BCL6B: variants seen among roughly 807,000 people sequenced by gnomAD.
BCL6B encodes BCL6B transcription repressor, also known as B-cell CLL/lymphoma 6 member B protein.
A neutral mutation model predicts 44.6 loss-of-function variants in BCL6B; 28 were observed. That is an observed-to-expected ratio of 0.63 (90% CI 0.47 to 0.86). The LOEUF is 0.86. Among genes scored for constraint, BCL6B ranks in the 40% least tolerant of loss-of-function variants. The pLI, the probability that BCL6B is intolerant of heterozygous loss-of-function variation, is 0.00. For synonymous variants in BCL6B, 268 were observed against 263.6 expected (o/e 1.02, Z -0.16); for missense variants, 626 against 652.3 (o/e 0.96, Z 0.44).
At chr17:7,027,125 T>C (rs773173142) in intron 8 of BCL6B, 38 bp downstream of exon 8, 2 of 1,611,234 alleles carry the variant, frequency 1.2e-6, no homozygotes, top group Non-Finnish European at 8.5e-7. Flanking sequence ...GCCTTAGAAT[T>C]ACCTCTCCTT....
In BCL6B at chr17:7,023,693, G is replaced by C; in HGVS notation, c.22G>C (p.Glu8Gln). MGSPAAP[E>Q]GALGYVREFT... is the part of the protein sequence containing the mutation. ...CGCTATGGGTTCCCCCGCCGCCCCG[G>C]AGGGAGCGCTGGGCTACGTCCGCGA... Residue 8 changes from glutamate to glutamine, a missense_variant, in exon 2 of 9, where the codon GAG becomes CAG. Physicochemically the swap from Glu to Gln is conservative, Grantham distance 29. Coordinates refer to ENST00000293805, the MANE Select transcript of BCL6B (RefSeq NM_181844.4). 1 of 1,612,948 alleles carries C rather than the reference G, an allele frequency of 6.2e-7. No individual in the cohort carries two copies. The highest frequency in any genetic ancestry group is 8.5e-7 in the Non-Finnish European group (1 of 1,179,940).
intron 8 of BCL6B, 124 bp from the exon 9 acceptor site, chr17:7,027,379 G>A: frequency 8.5e-7 from 1 of 1,180,942 alleles, no homozygotes; most frequent in Non-Finnish European, 1.2e-6. Flanking sequence ...GGGAGGATGT[G>A]AGAGTCAAAG....
rs201281948 is a variant in BCL6B, at chr17:7,027,108, G to A, written c.1323+21G>A. 1.9e-6 allele frequency: 3 copies of A among 1,613,302 alleles called. No homozygotes were observed. The African/African-American group carries it at 4.0e-5, about 21-fold the overall frequency. ...ACCACGTGGGTACCCAACCTGGCCT[G>A]CCCACTGCCTTAGAATTACCTCTCC... On this transcript the variant is annotated intron_variant, in intron 8 of 8. Coordinates refer to ENST00000293805, the MANE Select transcript of BCL6B (RefSeq NM_181844.4).
chr17:7,024,749 T>C lies in BCL6B; in HGVS notation c.750T>C (p.Pro250=). The change falls in exon 4 of 9, where the codon CCT becomes CCC. Residue 250 remains proline (P), a synonymous_variant. Coordinates refer to ENST00000293805, the MANE Select transcript of BCL6B (RefSeq NM_181844.4). The surrounding 1 kb of genome is among the most constrained non-coding windows in gnomAD (Gnocchi z 6.6). ...GCAGCAGTGAAGAAGGACCCATTCC[T>C]GGTCCCCAGAGCAGGTACAGAGTCT... is the stretch of plus-strand genomic sequence containing the variant. The part of the protein sequence containing the change: ...SSSSSEEGPI[P]GPQSRLSPTA... The C allele has an allele frequency of 1.2e-6, 2 of 1,611,550 alleles. No homozygotes were observed. The highest frequency in any genetic ancestry group is 2.7e-5 in the African/African-American group (2 of 74,960).
At chr17:7,026,106 G>A (rs1421348536) in intron 5 of BCL6B, among the ~76,000 whole-genome samples, 1 of 152,164 alleles carries the variant, frequency 6.6e-6, no homozygotes, top group African/African-American at 2.4e-5. Context: ...ATTTTTAGTA[G>A]AGACGAGGTT....
At position 7,028,557 on chromosome 17, in the gene BCL6B, G is replaced by T; in HGVS notation, c.*938G>T. 1 of 836,330 alleles carries T rather than the reference G, an allele frequency of 1.2e-6. No homozygotes were observed. The highest frequency in any genetic ancestry group is 1.3e-6 in the Non-Finnish European group (1 of 762,988). 51.8% of individuals were successfully genotyped at this position (836,330 alleles called of 1,614,324 possible). ...AATGTCCCATTAATCTGGTCACTTG[G>T]GTTTGGCTCTGCTGTATCCATCTAT... On this transcript the variant is annotated 3_prime_UTR_variant, in exon 9 of 9. Coordinates refer to ENST00000293805, the MANE Select transcript of BCL6B (RefSeq NM_181844.4).
rs766928059 is a variant in BCL6B, at chr17:7,024,364, T to C, written c.402-37T>C. Reference sequence around the variant, plus strand: ...AGGTGTTAAGGGCAAAGGCAGAGTTTAGGAAATGGCACTAACGTTCATCAC... The same window carrying C: ...AGGTGTTAAGGGCAAAGGCAGAGTTCAGGAAATGGCACTAACGTTCATCAC... On this transcript the variant is annotated intron_variant, in intron 3 of 8. Transcript: ENST00000293805. The surrounding 1 kb of genome is among the most constrained non-coding windows in gnomAD (Gnocchi z 6.6). 1.2e-6 allele frequency: 2 copies of C among 1,612,570 alleles called. No homozygotes were observed. The highest frequency in any genetic ancestry group is 4.5e-5 in the East Asian group (2 of 44,862).
intron 8 of BCL6B, 99 bp downstream of exon 8, chr17:7,027,186 T>C (rs1910321813): frequency 2.0e-6 from 3 of 1,479,316 alleles, no homozygotes; most frequent in Non-Finnish European, 1.8e-6. Context: ...CCTAGATCTC[T>C]TAGAAATGAG....
Position 7,028,921 on chromosome 17 carries a change from C to T in BCL6B, c.*1302C>T. The T allele has an allele frequency of 3.0e-6, 3 of 985,426 alleles. No individual in the cohort carries two copies. Among genetic ancestry groups the T allele is most frequent in the South Asian group, 4.7e-5 (1 of 21,288 alleles). The allele number at this position is 985,426 out of a possible 1,614,324, so 61.0% of individuals were successfully genotyped here. On this transcript the variant is annotated 3_prime_UTR_variant, in exon 9 of 9. Coordinates refer to ENST00000293805, the MANE Select transcript of BCL6B (RefSeq NM_181844.4). ...CTGGCAAGTGTCCAGATGCCAGAAC[C>T]TTCTTTTCCTCTAGAAGGGATGGTG...
intron 8 of BCL6B, 96 bp from the exon 9 acceptor site, chr17:7,027,405 GGA>G: frequency 7.3e-7 from 1 of 1,377,422 alleles, no homozygotes; most frequent in Non-Finnish European, 1.0e-6. Flanking sequence ...ATCTTCCGCT[GGA>G]TAGTTCCCAC....
rs1910245626 is a variant in BCL6B at position 7,025,070 on chromosome 17, G to T, written c.765-6G>T. On this transcript the variant is annotated splice_region_variant and splice_polypyrimidine_tract_variant and intron_variant, in intron 4 of 8. Transcript: ENST00000293805. Reference sequence around the variant, plus strand: ...TCTTTTAACCCTTTCCTTGCCATCTGCCTAGGCTCTCTCCAACTGCTGCCA... The same window carrying T: ...TCTTTTAACCCTTTCCTTGCCATCTTCCTAGGCTCTCTCCAACTGCTGCCA... The T allele has an allele frequency of 1.2e-6, 2 of 1,613,610 alleles. No individual in the cohort carries two copies. Among genetic ancestry groups the T allele is most frequent in the Non-Finnish European group, 1.7e-6 (2 of 1,179,924 alleles).
At position 7,028,276 on chromosome 17, in the gene BCL6B, G is replaced by A. The variant is rs183475929; in HGVS notation, c.*657G>A. Reference sequence around the variant, plus strand: ...TTTATTTGTTCTAGGGCAGCTCTGGGAACATGCGGGATTGTGGAATTGGGT... The same window carrying A: ...TTTATTTGTTCTAGGGCAGCTCTGGAAACATGCGGGATTGTGGAATTGGGT... On this transcript the variant is annotated 3_prime_UTR_variant, in exon 9 of 9. Transcript: ENST00000293805. The A allele has an allele frequency of 2.1e-4, 205 of 985,574 alleles. 2 individuals carry two copies. The East Asian group carries it at 0.011, about 55-fold the overall frequency. The allele number at this position is 985,574 out of a possible 1,614,324, so 61.1% of individuals were successfully genotyped here. A position where few individuals can be genotyped will look rare whatever the true frequency, so the allele number is the denominator to read the frequency against.
intron 8 of BCL6B, among the ~76,000 whole-genome samples, 168 bp downstream of exon 8, chr17:7,027,255 G>A (rs951740360): frequency 6.6e-6 from 1 of 152,196 alleles, no homozygotes; most frequent in Admixed American, 6.5e-5. Flanking sequence ...GGATGGGCAG[G>A]TATAGAAGTG....
At position 7,027,492 on chromosome 17, in the gene BCL6B, T is replaced by C. The variant is rs1910330588; in HGVS notation, c.1324-11T>C. On this transcript the variant is annotated splice_polypyrimidine_tract_variant and intron_variant, in intron 8 of 8. Coordinates refer to ENST00000293805, the MANE Select transcript of BCL6B (RefSeq NM_181844.4). Reference sequence around the variant, plus strand: ...GATGGGGCAGGGCCTGACTTGGCTGTCCTCCCACAGTGCGACCCCTGTGGC... The same window carrying C: ...GATGGGGCAGGGCCTGACTTGGCTGCCCTCCCACAGTGCGACCCCTGTGGC... The C allele has an allele frequency of 1.2e-6, 2 of 1,613,618 alleles. No individual in the cohort carries two copies. The highest frequency in any genetic ancestry group is 1.7e-5 in the Admixed American group (1 of 59,988).
chr17:7,027,984 C>T lies in BCL6B; in HGVS notation c.*365C>T, dbSNP rs992049613. On this transcript the variant is annotated 3_prime_UTR_variant, in exon 9 of 9. Transcript: ENST00000293805. ...ATTTATTGAGGCCTTTGGGTGGCAC[C>T]GGGGCCTTCATTCGATTGCATTTCC... 5.3e-5 allele frequency: 55 copies of T among 1,036,566 alleles called. No homozygotes were observed. Among genetic ancestry groups the T allele is most frequent in the East Asian group, 9.1e-5 (1 of 11,046 alleles). 64.2% of individuals were successfully genotyped at this position (1,036,566 alleles called of 1,614,324 possible). A position where few individuals can be genotyped will look rare whatever the true frequency, so the allele number is the denominator to read the frequency against.
rs1910333405 is a variant in BCL6B, at chr17:7,027,553, T to A, written c.1374T>A (p.His458Gln). ...HFRHKSQLRL[H>Q]LRQKHGAATN... ...GGCACAAGAGTCAACTGCGGCTGCA[T>A]CTGCGCCAGAAACACGGAGCTGCTA... The change falls in exon 9 of 9, where the codon CAT becomes CAA. Residue 458 changes from histidine (H) to glutamine (Q), a missense_variant. His to Gln is a conservative substitution (Grantham distance 24). Coordinates refer to ENST00000293805, the MANE Select transcript of BCL6B (RefSeq NM_181844.4). The A allele has an allele frequency of 6.2e-7, 1 of 1,613,600 alleles. No individual in the cohort carries two copies. Among genetic ancestry groups the A allele is most frequent in the African/African-American group, 1.3e-5 (1 of 74,838 alleles).
Position 7,028,166 on chromosome 17 carries a change from TCTC to T in BCL6B, c.*550_*552del. On this transcript the variant is annotated 3_prime_UTR_variant, in exon 9 of 9. Coordinates refer to ENST00000293805, the MANE Select transcript of BCL6B (RefSeq NM_181844.4). ...AACTTTTATCTTTAGAATTGTTCTT[TCTC>T]CTGTTTGTTTGCTTGTTAGTTTGTT... 1 of 986,032 alleles carries T rather than the reference TCTC, an allele frequency of 1.0e-6. No individual in the cohort carries two copies. Among genetic ancestry groups the T allele is most frequent in the Non-Finnish European group, 1.2e-6 (1 of 830,380 alleles). 61.1% of individuals were successfully genotyped at this position (986,032 alleles called of 1,614,324 possible).
chr17:7,024,432 C>A lies in BCL6B; in HGVS notation c.433C>A (p.Leu145Met). Residue 145 changes from leucine (L) to methionine (M), a missense_variant, in exon 4 of 9, where the codon CTG becomes ATG. Leu to Met is a conservative substitution (Grantham distance 15). Transcript: ENST00000293805. This position sits in a 1 kb window ranked among gnomAD's most constrained non-coding sequence, Gnocchi z 6.6. ...YEPLGISLRP[L>M]EAEPPTPPTA... ...ACCTCTGGGCATCTCCCTGCGCCCC[C>A]TGGAAGCAGAACCCCCAACACCCCC... 2.5e-6 allele frequency: 4 copies of A among 1,613,800 alleles called. No individual in the cohort carries two copies. The highest frequency in any genetic ancestry group is 3.4e-6 in the Non-Finnish European group (4 of 1,179,880).
rs1193013737 is a variant in BCL6B at position 7,024,678 on chromosome 17, C to G, written c.679C>G (p.Leu227Val). ...SSGQPCPQAR[L>V]PSGDEASSSS... ...TGGTCAACCTTGCCCCCAAGCCAGG[C>G]TCCCCAGTGGAGACGAGGCCTCCAG... The change falls in exon 4 of 9, where the codon CTC becomes GTC. Residue 227 changes from leucine to valine, a missense_variant. Coordinates refer to ENST00000293805, the MANE Select transcript of BCL6B (RefSeq NM_181844.4). This position sits in a 1 kb window ranked among gnomAD's most constrained non-coding sequence, Gnocchi z 6.6. 9 of 1,611,084 alleles carry G rather than the reference C, an allele frequency of 5.6e-6. No homozygotes were observed. The highest frequency in any genetic ancestry group is 7.6e-6 in the Non-Finnish European group (9 of 1,179,318).
Sources: allele counts gnomAD v4.1 joint callset (sites outside exome capture counted in the v4.1 genomes callset), GRCh38; gene constraint gnomAD v4.1.1; non-coding constraint Gnocchi (gnomAD v3.1); transcripts MANE v1.5; gene names NCBI Gene and HGNC (gene_info 2026-07-23, HGNC 2026-07-21).